NEBL: variants seen among roughly 807,000 people sequenced by gnomAD.
NEBL encodes the protein nebulette.
Under a neutral mutation model 140.2 loss-of-function variants are expected in NEBL, and 122 were observed. The ratio of observed to expected loss-of-function variants is 0.87; its 90% CI spans 0.75 to 1.01. The LOEUF (loss-of-function observed/expected upper bound fraction) is 1.01, where lower values mean the gene tolerates loss of function less well. Ranked by LOEUF, NEBL falls within the 50% of genes least tolerant of loss-of-function variation. The probability of loss-of-function intolerance (pLI) is 0.00; values close to 1 mark genes in which losing one functional copy is unlikely to be tolerated. For missense variants in NEBL, 1,365 were observed against 1,231.3 expected, an observed-to-expected ratio of 1.11 and a Z score of -1.62; for synonymous variants, 436 against 398.9, an observed-to-expected ratio of 1.09 and a Z score of -1.11.
At chr10:21,285,812 T>C (rs564967666) in intron 1 of NEBL, among the ~76,000 whole-genome samples, 1 of 152,334 alleles carries the variant, frequency 6.6e-6, no homozygotes, top group Admixed American at 6.5e-5. Context: ...GAGTCACTCC[T>C]GTGACTCATG....
chr10:21,203,881 C>A (rs915392214), intron 3 of NEBL, among the ~76,000 whole-genome samples: 2 of 152,258 alleles, frequency 1.3e-5, no homozygotes, highest in African/African-American at 2.4e-5. Flanking sequence ...CTATTGCCCA[C>A]CCCTACCAGA....
intron 7 of NEBL, among the ~76,000 whole-genome samples, chr10:20,862,293 T>C (rs1265722109): frequency 1.3e-5 from 2 of 152,218 alleles, no homozygotes; most frequent in African/African-American, 4.8e-5. Context: ...TTCAGTACAG[T>C]GAGTGATTTG....
intron 2 of NEBL, among the ~76,000 whole-genome samples, chr10:21,049,168 T>A (rs1380434597): frequency 6.6e-6 from 1 of 152,224 alleles, no homozygotes; most frequent in East Asian, 1.9e-4. Context: ...AAAATGTTAA[T>A]CTCATGTTTT....
chr10:21,052,577 G>T (rs1834825860), intron 2 of NEBL, among the ~76,000 whole-genome samples: 1 of 152,182 alleles, frequency 6.6e-6, no homozygotes, highest in African/African-American at 2.4e-5. Context: ...GTCACCGATT[G>T]GTCAGCGGGG....
Position 20,831,517 on chromosome 10 carries a change from G to A in NEBL, c.1516C>T (p.Leu506Phe). The A allele has an allele frequency of 6.2e-7, 1 of 1,612,510 alleles. No homozygotes were observed. The highest frequency in any genetic ancestry group is 8.5e-7 in the Non-Finnish European group (1 of 1,179,454). ...GCTTTCTTAGCTCTCTGGACATCAAGAGTGTCTGTGCTCACCTGCATCCCT... is the reference window on the plus strand; with the variant it reads ...GCTTTCTTAGCTCTCTGGACATCAAAAGTGTCTGTGCTCACCTGCATCCCT... Reference protein sequence around the residue: ...GKGMQVSTDTLDVQRAKKASE... With the variant: ...GKGMQVSTDTFDVQRAKKASE... The change falls in exon 15 of 28, where the codon CTT (leucine) becomes TTT (phenylalanine). Residue 506 changes from leucine to phenylalanine, a missense_variant. By Grantham distance (22) the Leu-to-Phe change is conservative. Transcript: ENST00000377122.
At chr10:21,084,269 T>C (rs1836515436) in intron 2 of NEBL, among the ~76,000 whole-genome samples, 1 of 152,250 alleles carries the variant, frequency 6.6e-6, no homozygotes, top group South Asian at 2.1e-4. Context: ...CAGCTATACA[T>C]ACATTGTTGC....
intron 3 of NEBL, among the ~76,000 whole-genome samples, chr10:21,241,488 A>T (rs1024147415): frequency 1.3e-5 from 2 of 152,192 alleles, no homozygotes; most frequent in Non-Finnish European, 2.9e-5. Flanking sequence ...TTTTGCAATG[A>T]AGTCAACTCA....
intron 2 of NEBL, among the ~76,000 whole-genome samples, chr10:21,041,593 T>C (rs1245542903): frequency 6.6e-6 from 1 of 152,196 alleles, no homozygotes; most frequent in Non-Finnish European, 1.5e-5. Flanking sequence ...AGATTTAAAA[T>C]CACTAGAAGG....
chr10:21,216,427 G>A (rs1030753803), intron 3 of NEBL, among the ~76,000 whole-genome samples: 3 of 151,902 alleles, frequency 2.0e-5, no homozygotes, highest in Non-Finnish European at 2.9e-5. Flanking sequence ...AGGCCCAGGC[G>A]GGAAGATCAC....
At chr10:21,212,141 T>C (rs1444936831) in intron 3 of NEBL, among the ~76,000 whole-genome samples, 1 of 151,354 alleles carries the variant, frequency 6.6e-6, no homozygotes, top group Non-Finnish European at 1.5e-5. Flanking sequence ...GTATTATCGC[T>C]ACATCTGAGT....
At chr10:21,193,293 A>G (rs1185757365) in intron 3 of NEBL, among the ~76,000 whole-genome samples, 2 of 152,202 alleles carry the variant, frequency 1.3e-5, no homozygotes, top group African/African-American at 2.4e-5. Flanking sequence ...TCACACAGCT[A>G]GTAGCTGGAA....
chr10:20,851,046 T>C (rs868130799), intron 10 of NEBL, among the ~76,000 whole-genome samples: 52 of 152,236 alleles, frequency 3.4e-4, no homozygotes, highest in African/African-American at 1.1e-3. Flanking sequence ...CTATGCAATA[T>C]TTAATATCAT....
intron 12 of NEBL, among the ~76,000 whole-genome samples, chr10:20,842,237 C>T (rs919199694): frequency 3.3e-5 from 5 of 152,194 alleles, no homozygotes; most frequent in Middle Eastern, 6.8e-3. Context: ...TTGGAATGAT[C>T]TGAGTCAAAT....
chr10:21,251,874 T>C (rs1842593330), intron 1 of NEBL, among the ~76,000 whole-genome samples: 1 of 152,154 alleles, frequency 6.6e-6, no homozygotes, highest in South Asian at 2.1e-4. Context: ...CAGTTTATGG[T>C]ATTTGGTCAT....
chr10:21,154,280 G>A (rs1394311267), intron 2 of NEBL, among the ~76,000 whole-genome samples: 2 of 151,928 alleles, frequency 1.3e-5, no homozygotes, highest in African/African-American at 4.8e-5. Context: ...TCAACATGGT[G>A]AAACCCTCTC....
At chr10:21,185,733 T>G (rs112230803) in intron 3 of NEBL, among the ~76,000 whole-genome samples, 6,277 of 152,010 alleles carry the variant, frequency 0.041, 433 homozygotes, top group African/African-American at 0.14. Context: ...CTGACCTCAG[T>G]TGATCCACCT....
chr10:20,827,012 A>T (rs1299646651), intron 17 of NEBL, among the ~76,000 whole-genome samples: 1 of 152,130 alleles, frequency 6.6e-6, no homozygotes, highest in Non-Finnish European at 1.5e-5. Context: ...ATCAATATCA[A>T]TGTTAATTTC....
At chr10:21,187,510 T>A (rs995829342) in intron 3 of NEBL, among the ~76,000 whole-genome samples, 5 of 150,144 alleles carry the variant, frequency 3.3e-5, no homozygotes, top group African/African-American at 1.2e-4. Flanking sequence ...TATTATTATT[T>A]ATTATTATTA....
intron 1 of NEBL, among the ~76,000 whole-genome samples, chr10:21,267,998 C>T (rs1301589147): frequency 1.3e-5 from 2 of 152,130 alleles, no homozygotes; most frequent in East Asian, 1.9e-4. Context: ...GTGGTACCTT[C>T]GGACTGTGTG....
Sources: gnomAD v4.1 joint callset for allele counts (sites outside exome capture counted in the v4.1 genomes callset) on GRCh38, gnomAD v4.1.1 for gene constraint, MANE v1.5 for transcripts, NCBI Gene and HGNC (gene_info 2026-07-23, HGNC 2026-07-21) for gene names.